DCC: variants seen among roughly 807,000 people sequenced by gnomAD.
DCC encodes the protein DCC netrin 1 receptor.
DCC carries 58 observed loss-of-function variants against 172.5 expected under a neutral mutation model. The ratio of observed to expected loss-of-function variants is 0.34; its 90% CI spans 0.27 to 0.42. DCC has a LOEUF of 0.42. Among genes scored for constraint, DCC ranks in the 10% least tolerant of loss-of-function variants. The pLI is 1.00. For missense variants in DCC, 1,740 were observed against 1,791.0 expected (o/e 0.97, Z 0.51); for synonymous variants, 709 against 644.5 (o/e 1.10, Z -1.52).
At chr18:52,451,831 G>C (rs911988992) in intron 1 of DCC, among the ~76,000 whole-genome samples, 2 of 152,124 alleles carry the variant, frequency 1.3e-5, no homozygotes, top group Admixed American at 1.3e-4. Context: ...GTTTCTGTCT[G>C]AGTCTGATCC....
intron 15 of DCC, among the ~76,000 whole-genome samples, chr18:53,349,046 TCA>T (rs2057757723): frequency 2.0e-5 from 3 of 152,348 alleles, no homozygotes; most frequent in Non-Finnish European, 4.4e-5. Flanking sequence ...TTCTTTGCTA[TCA>T]CATTGTCTGG....
intron 3 of DCC, among the ~76,000 whole-genome samples, chr18:52,909,077 G>A (rs927651910): frequency 3.3e-5 from 5 of 152,030 alleles, no homozygotes; most frequent in East Asian, 1.9e-4. Flanking sequence ...ACAAGATTGA[G>A]TGAGTGCATG....
At chr18:53,316,312 T>C (rs78318937) in intron 13 of DCC, among the ~76,000 whole-genome samples, 1 of 152,210 alleles carries the variant, frequency 6.6e-6, no homozygotes, top group African/African-American at 2.4e-5. Context: ...CTTTGCTCTA[T>C]ATATCTGTTT....
At chr18:53,102,567 G>C (rs116251586) in intron 7 of DCC, among the ~76,000 whole-genome samples, 1 of 152,122 alleles carries the variant, frequency 6.6e-6, no homozygotes, top group South Asian at 2.1e-4. Context: ...AGTGAGCATT[G>C]CTCCCTCAGA....
At chr18:53,059,645 CTAAA>C (rs1275848874) in intron 5 of DCC, among the ~76,000 whole-genome samples, 1 of 152,078 alleles carries the variant, frequency 6.6e-6, no homozygotes, top group Non-Finnish European at 1.5e-5. Context: ...GTTATTTTCT[CTAAA>C]TAGTCATGGT....
At chr18:53,338,609 A>T (rs2057618246) in intron 14 of DCC, among the ~76,000 whole-genome samples, 1 of 152,186 alleles carries the variant, frequency 6.6e-6, no homozygotes, top group Non-Finnish European at 1.5e-5. Flanking sequence ...TCAACAAATA[A>T]ATAAATATTA....
intron 1 of DCC, among the ~76,000 whole-genome samples, chr18:52,728,666 C>T (rs1207182703): frequency 6.6e-6 from 1 of 152,168 alleles, no homozygotes; most frequent in African/African-American, 2.4e-5. Context: ...TTACAATGTG[C>T]CTCTGTTATG....
intron 8 of DCC, among the ~76,000 whole-genome samples, chr18:53,170,846 A>G (rs185214075): frequency 3.7e-4 from 56 of 152,208 alleles, no homozygotes; most frequent in South Asian, 8.3e-4. Flanking sequence ...TACTTACTCC[A>G]CAGTCTACAT....
intron 1 of DCC, among the ~76,000 whole-genome samples, chr18:52,726,715 G>A (rs62084393): frequency 0.037 from 5,593 of 152,246 alleles, 126 homozygotes; most frequent in Middle Eastern, 0.065. Context: ...TTCATGTTCT[G>A]ACTCTGCCTC....
chr18:52,974,518 T>A (rs1448430427), intron 5 of DCC, among the ~76,000 whole-genome samples: 1 of 152,184 alleles, frequency 6.6e-6, no homozygotes, highest in African/African-American at 2.4e-5. Context: ...CAAGTGCTGA[T>A]AAAATGAATT....
chr18:52,375,700 T>A (rs1985317862), intron 1 of DCC, among the ~76,000 whole-genome samples: 1 of 152,114 alleles, frequency 6.6e-6, no homozygotes, highest in Non-Finnish European at 1.5e-5. Context: ...TGGCCAGAAA[T>A]ATAGTATCAC....
chr18:52,690,673 A>G (rs534449050), intron 1 of DCC, among the ~76,000 whole-genome samples: 2 of 152,172 alleles, frequency 1.3e-5, no homozygotes, highest in African/African-American at 2.4e-5. Flanking sequence ...TAAGGTTCAG[A>G]GAGACCAAGT....
intron 2 of DCC, among the ~76,000 whole-genome samples, chr18:52,823,692 T>C (rs114977526): frequency 0.016 from 2,493 of 152,310 alleles, 79 homozygotes; most frequent in African/African-American, 0.057. Flanking sequence ...ATCAGAATCA[T>C]AGCTCTGATT....
chr18:53,140,080 T>C (rs1454617309), intron 7 of DCC, among the ~76,000 whole-genome samples: 1 of 152,216 alleles, frequency 6.6e-6, no homozygotes, highest in Non-Finnish European at 1.5e-5. Context: ...ATGTATGAGA[T>C]AGATATGTAC....
At chr18:52,553,508 T>A (rs75998823) in intron 1 of DCC, among the ~76,000 whole-genome samples, 1,823 of 152,118 alleles carry the variant, frequency 0.012, 20 homozygotes, top group South Asian at 0.023. Flanking sequence ...AATGAACCAC[T>A]GCCAAACATG....
In DCC at chr18:53,434,999, G is replaced by A. The variant is rs1301468769; in HGVS notation, c.3164-145G>A. 5.7e-6 allele frequency: 4 copies of A among 706,982 alleles called. No individual in the cohort carries two copies. The East Asian group carries it at 1.0e-4, about 18-fold the overall frequency. The allele number at this position is 706,982 out of a possible 1,614,324, so 43.8% of individuals were successfully genotyped here. ...CATGGAAAATAACATTTTCTTATAG[G>A]TGTAAGGGTATGAGAGTTGTCAGGC... is the stretch of plus-strand genomic sequence containing the variant. On this transcript the variant is annotated intron_variant, in intron 21 of 28. Transcript: ENST00000442544.
At chr18:52,512,666 C>T (rs1034344197) in intron 1 of DCC, among the ~76,000 whole-genome samples, 1 of 152,014 alleles carries the variant, frequency 6.6e-6, no homozygotes, top group Non-Finnish European at 1.5e-5. Context: ...AGGCAGAAGC[C>T]CTGTCCTGAT....
intron 12 of DCC, among the ~76,000 whole-genome samples, chr18:53,228,531 G>C (rs886659866): frequency 6.6e-6 from 1 of 152,052 alleles, no homozygotes; most frequent in Non-Finnish European, 1.5e-5. Context: ...TGAGCAACTG[G>C]CATATGATAA....
chr18:52,860,815 C>T (rs575247175), intron 2 of DCC, among the ~76,000 whole-genome samples: 81 of 152,110 alleles, frequency 5.3e-4, no homozygotes, highest in Middle Eastern at 3.4e-3. Flanking sequence ...CTGGCTAACA[C>T]GGTGGAACCC....
Sources: allele counts gnomAD v4.1 joint callset (sites outside exome capture counted in the v4.1 genomes callset), GRCh38; gene constraint gnomAD v4.1.1; transcripts MANE v1.5; gene names NCBI Gene and HGNC (gene_info 2026-07-23, HGNC 2026-07-21).